BFSP2: variants seen among roughly 807,000 people sequenced by gnomAD.
BFSP2 encodes the protein beaded filament structural protein 2, also known as phakinin.
BFSP2 carries 38 observed loss-of-function variants against 44.9 expected under a neutral mutation model. The observed-to-expected ratio is 0.85, with a 90% confidence interval of 0.65 to 1.11. The LOEUF is 1.11. BFSP2 is among the 50% of genes least tolerant of loss of function. BFSP2 has a pLI of 0.00. For synonymous variants in BFSP2, 197 were observed against 209.9 expected (o/e 0.94, Z 0.53); for missense variants, 525 against 533.0 (o/e 0.99, Z 0.15).
At chr3:133,454,769 T>C (rs1464115976) in intron 4 of BFSP2, among the ~76,000 whole-genome samples, 1 of 152,182 alleles carries the variant, frequency 6.6e-6, no homozygotes, top group African/African-American at 2.4e-5. Context: ...AACTCCAAAT[T>C]TTTGACTCTA....
intron 1 of BFSP2, among the ~76,000 whole-genome samples, chr3:133,440,200 G>A (rs1251262668): frequency 1.5e-5 from 2 of 132,030 alleles, no homozygotes; most frequent in African/African-American, 5.8e-5. Context: ...TTACTATCAT[G>A]AGAATAGCAC....
At chr3:133,418,529 C>G (rs2107892136) in intron 1 of BFSP2, among the ~76,000 whole-genome samples, 1 of 152,216 alleles carries the variant, frequency 6.6e-6, no homozygotes, top group Non-Finnish European at 1.5e-5. Flanking sequence ...GCATCCAGCC[C>G]ACCCAGGCCA....
chr3:133,441,776 T>C lies in BFSP2; in HGVS notation c.490-5541T>C, dbSNP rs529236102. 5.3e-5 allele frequency among the ~76,000 whole-genome samples: 8 copies of C among 152,288 alleles called. No homozygotes were observed. In the South Asian group the frequency reaches 1.7e-3, roughly 32 times the overall value. On this transcript the variant is annotated intron_variant, in intron 1 of 6. Coordinates refer to ENST00000302334, the MANE Select transcript of BFSP2 (RefSeq NM_003571.4). ...GTTATATTCTAGCAGAAAATACAGA[T>C]AAAATAATTTAAAAACCATAAAATT...
chr3:133,459,422 G>A (rs1351308091), intron 4 of BFSP2, among the ~76,000 whole-genome samples: 1 of 152,170 alleles, frequency 6.6e-6, no homozygotes, highest in Non-Finnish European at 1.5e-5. Flanking sequence ...ATTTTATCAA[G>A]AGGATGAGCT....
intron 1 of BFSP2, among the ~76,000 whole-genome samples, chr3:133,435,630 C>G (rs907604000): frequency 6.6e-6 from 1 of 152,162 alleles, no homozygotes; most frequent in Non-Finnish European, 1.5e-5. Flanking sequence ...TTTAATTTTT[C>G]GGTCAGAATT....
chr3:133,406,278 A>C (rs2073404012), intron 1 of BFSP2, among the ~76,000 whole-genome samples: 1 of 152,154 alleles, frequency 6.6e-6, no homozygotes, highest in Non-Finnish European at 1.5e-5. Flanking sequence ...GCTGCTTTCT[A>C]AGAAAGGTGG....
chr3:133,468,164 T>G (rs1243046788), intron 5 of BFSP2, among the ~76,000 whole-genome samples: 1 of 152,108 alleles, frequency 6.6e-6, no homozygotes, highest in East Asian at 1.9e-4. Flanking sequence ...ACTAATGAGA[T>G]ATGGTCCCTG....
intron 1 of BFSP2, among the ~76,000 whole-genome samples, chr3:133,409,756 C>G (rs763239478): frequency 3.3e-5 from 5 of 152,182 alleles, no homozygotes; most frequent in African/African-American, 4.8e-5. Flanking sequence ...TCAGGGCTTC[C>G]AGTAAGGTGA....
chr3:133,439,630 T>C (rs1052632780), intron 1 of BFSP2, among the ~76,000 whole-genome samples: 1 of 152,176 alleles, frequency 6.6e-6, no homozygotes, highest in Non-Finnish European at 1.5e-5. Flanking sequence ...CAGTCTGCCA[T>C]GACATGCCGA....
intron 1 of BFSP2, among the ~76,000 whole-genome samples, chr3:133,437,610 A>C (rs1476212680): frequency 6.6e-5 from 10 of 151,672 alleles, no homozygotes; most frequent in Admixed American, 3.3e-4. Flanking sequence ...GAAGAAAGAA[A>C]AAAGAAAGAA....
intron 1 of BFSP2, among the ~76,000 whole-genome samples, chr3:133,415,782 T>C (rs74852183): frequency 1.1e-5 from 1 of 92,814 alleles, no homozygotes; most frequent in South Asian, 4.5e-4. Flanking sequence ...CCCCTCCACT[T>C]ACCCTTCTAC....
intron 1 of BFSP2, among the ~76,000 whole-genome samples, chr3:133,413,932 T>C (rs975393782): frequency 1.3e-5 from 2 of 151,834 alleles, no homozygotes; most frequent in Non-Finnish European, 2.9e-5. Context: ...GGAAAAATTA[T>C]GCAGAAGACA....
intron 1 of BFSP2, among the ~76,000 whole-genome samples, chr3:133,423,791 A>T (rs551171559): frequency 1.3e-5 from 2 of 152,138 alleles, no homozygotes; most frequent in African/African-American, 4.8e-5. Context: ...TTACATACCT[A>T]GTCACTCAGC....
intron 4 of BFSP2, 131 bp from the exon 5 acceptor site, chr3:133,466,697 A>AAAAAAAAAAAAAAAAT: frequency 1.4e-6 from 1 of 726,478 alleles, no homozygotes. Flanking sequence ...AAAAAAAAAA[A>AAAAAAAAAAAAAAAAT]GATGTTTCCA....
chr3:133,469,831 C>G (rs1225458931), intron 5 of BFSP2, among the ~76,000 whole-genome samples: 2 of 152,186 alleles, frequency 1.3e-5, no homozygotes, highest in African/African-American at 4.8e-5. Context: ...GCTGGGGTTC[C>G]AATGAATGCC....
intron 1 of BFSP2, among the ~76,000 whole-genome samples, chr3:133,426,154 C>T (rs1375924719): frequency 6.6e-6 from 1 of 151,822 alleles, no homozygotes; most frequent in Non-Finnish European, 1.5e-5. Context: ...TCCTCTTAGA[C>T]TCCCCTCTTG....
chr3:133,404,558 C>G (rs952610583), intron 1 of BFSP2, among the ~76,000 whole-genome samples: 3 of 152,224 alleles, frequency 2.0e-5, no homozygotes, highest in Admixed American at 2.0e-4. Flanking sequence ...ATGCACATGC[C>G]CAGAATCATG....
Position 133,413,018 on chromosome 3 carries a change from T to C in BFSP2, c.489+12446T>C, listed in dbSNP as rs981037088. Among the ~76,000 whole-genome samples, 3 of 152,250 alleles carry C rather than the reference T, an allele frequency of 2.0e-5. No individual in the cohort carries two copies. The South Asian group carries it at 6.2e-4, about 32-fold the overall frequency. ...GTGCTCTGCTACTATTTCTGTTTCT[T>C]AGAAAGTGGAGGGCAGACCCTCTCT... On this transcript the variant is annotated intron_variant, in intron 1 of 6. Transcript: ENST00000302334.
Position 133,417,011 on chromosome 3 carries a change from TCTC to T in BFSP2, c.489+16443_489+16445del, listed in dbSNP as rs565965647. On this transcript the variant is annotated intron_variant, in intron 1 of 6. Transcript: ENST00000302334. The stretch of plus-strand genomic sequence containing the variant: ...CTCCCCTCTACTCACCTCTGCCCTC[TCTC>T]CTCTACTCACCCCTCTACTCCTTCC... 6.5e-4 allele frequency among the ~76,000 whole-genome samples: 79 copies of T among 120,906 alleles called. 1 individual carries two copies. The highest frequency in any genetic ancestry group is 2.3e-3 in the African/African-American group (70 of 30,392). 79.3% of individuals were successfully genotyped at this position (120,906 alleles called of 152,430 possible).
Sources: allele counts gnomAD v4.1 joint callset (sites outside exome capture counted in the v4.1 genomes callset), GRCh38; gene constraint gnomAD v4.1.1; transcripts MANE v1.5; gene names NCBI Gene and HGNC (gene_info 2026-07-23, HGNC 2026-07-21).